The following IFT80 variants were observed in gnomAD, a reference collection of about 807,000 sequenced individuals.
IFT80 encodes the protein intraflagellar transport protein 80 homolog.
Under a neutral mutation model 107.9 loss-of-function variants are expected in IFT80, and 79 were observed. That is an observed-to-expected ratio of 0.73 (90% CI 0.61 to 0.88). The LOEUF (loss-of-function observed/expected upper bound fraction) is 0.88, where lower values mean the gene tolerates loss of function less well. Among genes scored for constraint, IFT80 ranks in the 40% least tolerant of loss-of-function variants. IFT80 has a pLI of 0.00. For missense variants in IFT80, 797 were observed against 914.2 expected (o/e 0.87, Z 1.65); for synonymous variants, 299 against 300.9 (o/e 0.99, Z 0.07).
intron 8 of IFT80, among the ~76,000 whole-genome samples, chr3:160,341,556 T>C (rs1187531716): frequency 3.3e-5 from 5 of 152,126 alleles, no homozygotes. Flanking sequence ...ACCAGGCATG[T>C]GTACCAAACC....
rs146492619 is a variant in IFT80 at position 160,257,758 on chromosome 3, C to A, written c.*767G>T. On this transcript the variant is annotated 3_prime_UTR_variant, in exon 20 of 20. Transcript: ENST00000326448. ...ACTCGTTAAACAATAACCCCACCCC[C>A]CATTTCCTCCTCCCTGCAGTCCCTG... The A allele has an allele frequency of 1.3e-5, 2 of 152,190 alleles. No homozygotes were observed. The highest frequency in any genetic ancestry group is 2.9e-5 in the Non-Finnish European group (2 of 68,056). The allele number at this position is 152,190 out of a possible 1,614,324, so 9.4% of individuals were successfully genotyped here.
intron 8 of IFT80, among the ~76,000 whole-genome samples, chr3:160,355,132 G>C (rs185183074): frequency 6.6e-6 from 1 of 152,128 alleles, no homozygotes; most frequent in African/African-American, 2.4e-5. Flanking sequence ...TGCTGAGCTT[G>C]GCTATTTCCC....
intron 8 of IFT80, among the ~76,000 whole-genome samples, chr3:160,339,203 C>T (rs763876817): frequency 1.2e-4 from 19 of 152,268 alleles, no homozygotes; most frequent in Middle Eastern, 3.4e-3. Context: ...AAAACAACAA[C>T]ATGCTGCCTC....
chr3:160,382,354 G>T (rs1458950745), intron 2 of IFT80, among the ~76,000 whole-genome samples: 1 of 151,824 alleles, frequency 6.6e-6, no homozygotes, highest in Admixed American at 6.6e-5. Flanking sequence ...ATTTTTAATT[G>T]ACAATACCAA....
chr3:160,394,225 A>T (rs772449426), intron 1 of IFT80: 3 of 152,122 alleles, frequency 2.0e-5, no homozygotes, highest in African/African-American at 7.2e-5. Context: ...GGGGTGTCCA[A>T]TCTTTCGGCT....
At position 160,353,918 on chromosome 3, in the gene IFT80, C is replaced by T. The variant is rs561918712; in HGVS notation, c.777+2095G>A. 4.6e-5 allele frequency among the ~76,000 whole-genome samples: 7 copies of T among 152,132 alleles called. No homozygotes were observed. In the East Asian group the frequency reaches 5.8e-4, roughly 13 times the overall value. ...CTAAATAAAACGACTAGATGCCTAACGAGGTAAACCTTTAATATGTTTTTA... is the reference window on the plus strand; with the variant it reads ...CTAAATAAAACGACTAGATGCCTAATGAGGTAAACCTTTAATATGTTTTTA... On this transcript the variant is annotated intron_variant, in intron 8 of 19. Coordinates refer to ENST00000326448, the MANE Select transcript of IFT80 (RefSeq NM_020800.3).
chr3:160,282,554 A>AG lies in IFT80; in HGVS notation c.1439dup (p.Ile482HisfsTer2). 2 of 1,593,984 alleles carry AG rather than the reference A, an allele frequency of 1.3e-6. No homozygotes were observed. Among genetic ancestry groups the AG allele is most frequent in the Non-Finnish European group, 1.7e-6 (2 of 1,166,168 alleles). The stretch of plus-strand genomic sequence containing the variant: ...AGAGATCTCTATTTTTATCAATGAA[A>AG]GCAATTTTTCTATCATTGGTAAGTC... On this transcript the variant is annotated frameshift_variant, in exon 14 of 20. Coordinates refer to ENST00000326448, the MANE Select transcript of IFT80 (RefSeq NM_020800.3). LOFTEE classifies it high-confidence loss of function.
At chr3:160,339,467 C>A (rs895082701) in intron 8 of IFT80, among the ~76,000 whole-genome samples, 1 of 152,086 alleles carries the variant, frequency 6.6e-6, no homozygotes, top group African/African-American at 2.4e-5. Context: ...TTTTTTGCCA[C>A]AAATTTCTCC....
chr3:160,272,135 A>G (rs1713856887), intron 18 of IFT80, among the ~76,000 whole-genome samples: 1 of 152,144 alleles, frequency 6.6e-6, no homozygotes, highest in African/African-American at 2.4e-5. Flanking sequence ...AAAACACAAA[A>G]AAGAATAGGA....
intron 8 of IFT80, among the ~76,000 whole-genome samples, chr3:160,323,058 A>G (rs1699283683): frequency 6.6e-6 from 1 of 151,424 alleles, no homozygotes; most frequent in African/African-American, 2.4e-5. Flanking sequence ...CCATTTGTCA[A>G]TTTTGGCTTT....
chr3:160,395,200 CCTT>C lies in IFT80; in HGVS notation c.-47+3943_-47+3945del, dbSNP rs1196389163. ...ATCACCATTCTCCACACTTGAATCC[CCTT>C]CTTATTAAAACTCTCACCTGGCTTA... On this transcript the variant is annotated intron_variant, in intron 1 of 19. Coordinates refer to ENST00000326448, the MANE Select transcript of IFT80 (RefSeq NM_020800.3). 3.9e-5 allele frequency among the ~76,000 whole-genome samples: 6 copies of C among 152,070 alleles called. No individual in the cohort carries two copies. The East Asian group carries it at 7.7e-4, about 20-fold the overall frequency.
chr3:160,301,894 CAT>C (rs1394953260), intron 11 of IFT80, among the ~76,000 whole-genome samples: 1 of 151,934 alleles, frequency 6.6e-6, no homozygotes, highest in Admixed American at 6.6e-5. Context: ...TCCTGATAAA[CAT>C]GTTTCAAATT....
intron 9 of IFT80, among the ~76,000 whole-genome samples, chr3:160,313,006 T>TAATATATAATAAATATATATTATATATA (rs1717513702): frequency 1.4e-5 from 1 of 71,546 alleles, no homozygotes; most frequent in South Asian, 3.4e-4. Flanking sequence ...ATATATAAAT[T>TAATATATAATAAATATATATTATATATA]AATATATAAT....
chr3:160,324,903 CCTT>C (rs1718567951), intron 8 of IFT80, among the ~76,000 whole-genome samples: 1 of 151,508 alleles, frequency 6.6e-6, no homozygotes, highest in Non-Finnish European at 1.5e-5. Flanking sequence ...CCCAAAATCT[CCTT>C]AAGCTGATAA....
At chr3:160,362,136 C>T (rs1416776877) in intron 6 of IFT80, among the ~76,000 whole-genome samples, 2 of 151,986 alleles carry the variant, frequency 1.3e-5, no homozygotes, top group East Asian at 1.9e-4. Flanking sequence ...ACTAGCAAGA[C>T]TAATAAAAGG....
chr3:160,331,193 G>A lies in IFT80; in HGVS notation c.778-11254C>T, dbSNP rs918310888. On this transcript the variant is annotated intron_variant, in intron 8 of 19. Transcript: ENST00000326448. ...TATTAAGAAAAAGGGTTACTTGAAC[G>A]AACACAAGCCCTGAAATACTGTGAC... Among the ~76,000 whole-genome samples, 10 of 152,082 alleles carry A rather than the reference G, an allele frequency of 6.6e-5. No homozygotes were observed. In the East Asian group the frequency reaches 1.9e-3, roughly 29 times the overall value.
At chr3:160,304,904 C>A (rs1212402418) in intron 10 of IFT80, among the ~76,000 whole-genome samples, 2 of 152,096 alleles carry the variant, frequency 1.3e-5, no homozygotes, top group Non-Finnish European at 2.9e-5. Flanking sequence ...TTCCTGCAGG[C>A]CTCCCAATGT....
chr3:160,375,776 A>C (rs1008840070), intron 5 of IFT80, 36 bp downstream of exon 5: 3 of 1,444,538 alleles, frequency 2.1e-6, no homozygotes, highest in Non-Finnish European at 2.9e-6. Flanking sequence ...GTATTGTATA[A>C]TTTGCAAAAA....
intron 8 of IFT80, among the ~76,000 whole-genome samples, chr3:160,339,108 A>G (rs990891793): frequency 6.6e-6 from 1 of 152,180 alleles, no homozygotes; most frequent in Non-Finnish European, 1.5e-5. Context: ...CTTTATTAAT[A>G]TGGGTGGTGG....
Sources: gnomAD v4.1 joint callset for allele counts (sites outside exome capture counted in the v4.1 genomes callset) on GRCh38, gnomAD v4.1.1 for gene constraint, MANE v1.5 for transcripts, NCBI Gene and HGNC (gene_info 2026-07-23, HGNC 2026-07-21) for gene names.